CPED1: variants seen among roughly 807,000 people sequenced by gnomAD.
The protein encoded by CPED1 is cadherin like and PC-esterase domain containing 1, also known as cadherin-like and PC-esterase domain-containing protein 1.
Under a neutral mutation model 128.2 loss-of-function variants are expected in CPED1, and 114 were observed. That is an observed-to-expected ratio of 0.89 (90% CI 0.76 to 1.04). The LOEUF is 1.04. Among genes scored for constraint, CPED1 ranks in the 50% least tolerant of loss-of-function variants. The pLI is 0.00. For synonymous variants in CPED1, 462 were observed against 426.7 expected, an observed-to-expected ratio of 1.08 and a Z score of -1.02; for missense variants, 1,211 against 1,207.1, an observed-to-expected ratio of 1.00 and a Z score of -0.05.
In CPED1 at chr7:120,988,775, G is replaced by C. The variant is rs1334636266; in HGVS notation, c.-369G>C. The C allele has an allele frequency of 6.6e-6, 1 of 152,306 alleles. No homozygotes were observed. Among genetic ancestry groups the C allele is most frequent in the African/African-American group, 2.4e-5 (1 of 41,460 alleles). The allele number at this position is 152,306 out of a possible 1,614,324, so 9.4% of individuals were successfully genotyped here. ...TGTTTATGTGTCTGTGTGCGTGTGT[G>C]TGTGTGTCTCTCTCTGTGTGTGTGT... On this transcript the variant is annotated 5_prime_UTR_variant, in exon 1 of 23. Coordinates refer to ENST00000310396, the MANE Select transcript of CPED1 (RefSeq NM_024913.5).
At chr7:121,289,434 A>G (rs1338821590) in intron 22 of CPED1, among the ~76,000 whole-genome samples, 3 of 152,186 alleles carry the variant, frequency 2.0e-5, no homozygotes, top group Non-Finnish European at 4.4e-5. Context: ...TCCTCTACCA[A>G]AAGGTCACTA....
intron 16 of CPED1, among the ~76,000 whole-genome samples, chr7:121,145,980 A>G (rs1455395278): frequency 6.6e-6 from 1 of 152,098 alleles, no homozygotes; most frequent in African/African-American, 2.4e-5. Context: ...AAAAATTATA[A>G]TTTCTCCCTA....
rs143311748 is a variant in CPED1, at chr7:121,183,080, A to T, written c.2055+40939A>T. 9.9e-3 allele frequency among the ~76,000 whole-genome samples: 1,503 copies of T among 152,178 alleles called. 17 individuals carry two copies. Among genetic ancestry groups the T allele is most frequent in the African/African-American group, 0.033 (1,355 of 41,518 alleles). On this transcript the variant is annotated intron_variant, in intron 16 of 22. Coordinates refer to ENST00000310396, the MANE Select transcript of CPED1 (RefSeq NM_024913.5). ...AGAAACTGCAGTTATTAATAGTTAGATAATTCATAGTAATTATGTGCTGTA... is the reference window on the plus strand; with the variant it reads ...AGAAACTGCAGTTATTAATAGTTAGTTAATTCATAGTAATTATGTGCTGTA...
At chr7:121,073,316 A>G (rs1794040331) in intron 5 of CPED1, among the ~76,000 whole-genome samples, 1 of 152,120 alleles carries the variant, frequency 6.6e-6, no homozygotes, top group Non-Finnish European at 1.5e-5. Flanking sequence ...CTTCATGCTG[A>G]GTAGATTGAG....
rs1231718616 is a variant in CPED1 at position 121,194,022 on chromosome 7, CTATATATA to C, written c.2056-42672_2056-42665del. Among the ~76,000 whole-genome samples, 24 of 74,746 alleles carry C rather than the reference CTATATATA, an allele frequency of 3.2e-4. 1 individual carries two copies. The highest frequency in any genetic ancestry group is 8.0e-4 in the African/African-American group (15 of 18,716). 49.0% of individuals were successfully genotyped at this position (74,746 alleles called of 152,430 possible). On this transcript the variant is annotated intron_variant, in intron 16 of 22. Transcript: ENST00000310396. ...TCTCTCTCTCTCTCTCTCTCTCTCT[CTATATATA>C]TATATATATATATATATATTTTTTT...
At chr7:121,146,706 A>G (rs1383204468) in intron 16 of CPED1, among the ~76,000 whole-genome samples, 1 of 152,178 alleles carries the variant, frequency 6.6e-6, no homozygotes, top group Admixed American at 6.6e-5. Flanking sequence ...TTAAGTACCA[A>G]CTTAGCCATA....
chr7:121,119,263 G>T (rs539126794), intron 7 of CPED1, among the ~76,000 whole-genome samples: 2 of 145,104 alleles, frequency 1.4e-5, no homozygotes, highest in South Asian at 4.4e-4. Context: ...ATGGAGTCTC[G>T]CTGTCTCTCA....
rs551370431 is a variant in CPED1 at position 121,210,522 on chromosome 7, G to A, written c.2056-26192G>A. On this transcript the variant is annotated intron_variant, in intron 16 of 22. Transcript: ENST00000310396. Reference sequence around the variant, plus strand: ...GTTTACAACAACATGAATGGAAATGGAAGACATTATGCAAAATGAGATAAA... The same window carrying A: ...GTTTACAACAACATGAATGGAAATGAAAGACATTATGCAAAATGAGATAAA... 2.6e-5 allele frequency among the ~76,000 whole-genome samples: 4 copies of A among 152,110 alleles called. No individual in the cohort carries two copies. In the South Asian group the frequency reaches 8.3e-4, roughly 32 times the overall value.
chr7:121,109,505 T>G (rs1345301330), intron 7 of CPED1, among the ~76,000 whole-genome samples: 3 of 152,170 alleles, frequency 2.0e-5, no homozygotes, highest in African/African-American at 7.2e-5. Flanking sequence ...TATTTACATA[T>G]ATATCCGTAT....
intron 16 of CPED1, among the ~76,000 whole-genome samples, chr7:121,145,547 G>A (rs141574101): frequency 9.2e-5 from 14 of 152,138 alleles, no homozygotes; most frequent in African/African-American, 3.1e-4. Flanking sequence ...AAAATGTGGC[G>A]TGAATAATGT....
chr7:121,003,189 A>G (rs1236987131), intron 2 of CPED1, among the ~76,000 whole-genome samples: 4 of 152,194 alleles, frequency 2.6e-5, no homozygotes, highest in Non-Finnish European at 4.4e-5. Context: ...GTCCCCACCC[A>G]GGTCTTCCTT....
At chr7:120,993,292 A>G (rs1009237715) in intron 2 of CPED1, among the ~76,000 whole-genome samples, 4 of 152,154 alleles carry the variant, frequency 2.6e-5, no homozygotes, top group African/African-American at 9.7e-5. Context: ...TCTCCTTAAT[A>G]TATGCTTCTT....
intron 16 of CPED1, among the ~76,000 whole-genome samples, chr7:121,235,542 AAAG>A (rs1798233105): frequency 6.6e-6 from 1 of 152,152 alleles, no homozygotes; most frequent in Non-Finnish European, 1.5e-5. Context: ...GTTACACAGC[AAAG>A]AAGAGGTCAA....
intron 16 of CPED1, among the ~76,000 whole-genome samples, chr7:121,184,690 A>T (rs1456825389): frequency 6.6e-6 from 1 of 152,180 alleles, no homozygotes; most frequent in African/African-American, 2.4e-5. Context: ...ATAGAGTAAG[A>T]ACTGGAGGTG....
At chr7:121,158,542 GAC>G (rs1335047235) in intron 16 of CPED1, among the ~76,000 whole-genome samples, 2 of 151,278 alleles carry the variant, frequency 1.3e-5, no homozygotes, top group South Asian at 2.1e-4. Context: ...GGTTCTGGGA[GAC>G]ACAGAGTCCC....
intron 16 of CPED1, among the ~76,000 whole-genome samples, chr7:121,171,376 C>A (rs1796645945): frequency 1.3e-5 from 2 of 152,122 alleles, no homozygotes; most frequent in Non-Finnish European, 2.9e-5. Context: ...TTAGAGGAAT[C>A]CATAAACACT....
At chr7:121,016,885 G>T (rs1287178770) in intron 3 of CPED1, among the ~76,000 whole-genome samples, 1 of 152,174 alleles carries the variant, frequency 6.6e-6, no homozygotes, top group Non-Finnish European at 1.5e-5. Flanking sequence ...TGGTTCCTTT[G>T]GGGGAGAAGA....
chr7:121,155,351 A>G (rs1391197229), intron 16 of CPED1, among the ~76,000 whole-genome samples: 1 of 152,230 alleles, frequency 6.6e-6, no homozygotes, highest in Non-Finnish European at 1.5e-5. Context: ...ACAGAAATAG[A>G]AAAACAATCC....
intron 16 of CPED1, among the ~76,000 whole-genome samples, chr7:121,201,367 T>C (rs1207627754): frequency 2.6e-5 from 4 of 151,722 alleles, no homozygotes; most frequent in Non-Finnish European, 5.9e-5. Context: ...AGGAGGTGGA[T>C]GTAGCAGTGA....
Sources: allele counts gnomAD v4.1 joint callset (sites outside exome capture counted in the v4.1 genomes callset), GRCh38; gene constraint gnomAD v4.1.1; transcripts MANE v1.5; gene names NCBI Gene and HGNC (gene_info 2026-07-23, HGNC 2026-07-21).